The following TJP1 variants were observed in gnomAD, a reference collection of about 807,000 sequenced individuals.
TJP1 encodes tight junction protein ZO-1.
TJP1 carries 43 observed loss-of-function variants against 194.2 expected under a neutral mutation model. The observed-to-expected ratio is 0.22, with a 90% confidence interval of 0.17 to 0.29. The LOEUF (loss-of-function observed/expected upper bound fraction) is 0.29. TJP1 is among the 10% of genes least tolerant of loss of function. The pLI is 1.00. For missense variants in TJP1, 1,971 were observed against 2,185.7 expected, an observed-to-expected ratio of 0.90 and a Z score of 1.96; for synonymous variants, 801 against 779.0, an observed-to-expected ratio of 1.03 and a Z score of -0.47.
intron 2 of TJP1, among the ~76,000 whole-genome samples, chr15:29,843,464 C>T (rs1355053718): frequency 6.6e-6 from 1 of 152,174 alleles, no homozygotes; most frequent in Non-Finnish European, 1.5e-5. Context: ...GCTGGGATTA[C>T]AGGCGTGAGC....
intron 2 of TJP1, among the ~76,000 whole-genome samples, chr15:29,877,593 T>G (rs1041543053): frequency 4.6e-5 from 7 of 151,804 alleles, no homozygotes; most frequent in African/African-American, 1.7e-4. Flanking sequence ...CCTTCCTTCC[T>G]TTCTCCTTCC....
At chr15:29,733,054 T>C (rs752499202) in intron 13 of TJP1, 40 bp downstream of exon 13, 1 of 1,585,456 alleles carries the variant, frequency 6.3e-7, no homozygotes, top group Non-Finnish European at 8.6e-7. Context: ...TATCATCATT[T>C]ACTTGATTCA....
rs186014430 is a variant in TJP1 at position 29,885,381 on chromosome 15, G to A, written c.306+70851C>T. ...AGGGAACACATGGAGATAGTATCTG[G>A]GAGAGGAAAGGGAATCCAGAGCAGA... On this transcript the variant is annotated intron_variant, in intron 2 of 28. Transcript: ENST00000356107. 2.2e-3 allele frequency among the ~76,000 whole-genome samples: 335 copies of A among 152,304 alleles called. 2 individuals carry two copies. The highest frequency in any genetic ancestry group is 7.7e-3 in the African/African-American group (321 of 41,570).
At chr15:29,883,285 T>C (rs1269125072) in intron 2 of TJP1, among the ~76,000 whole-genome samples, 1 of 152,194 alleles carries the variant, frequency 6.6e-6, no homozygotes, top group Non-Finnish European at 1.5e-5. Flanking sequence ...CCTGCAGCCC[T>C]GGGACACTTG....
chr15:29,929,441 A>G (rs565299597), intron 2 of TJP1, among the ~76,000 whole-genome samples: 2 of 152,348 alleles, frequency 1.3e-5, no homozygotes, highest in Non-Finnish European at 2.9e-5. Context: ...TCAGGCCTGT[A>G]GTCCCAGCTC....
intron 10 of TJP1, among the ~76,000 whole-genome samples, chr15:29,740,216 T>C (rs959695911): frequency 1.7e-4 from 26 of 151,452 alleles, no homozygotes; most frequent in Non-Finnish European, 3.2e-4. Context: ...ACCTCGTGAT[T>C]CGCCCGCCTC....
intron 26 of TJP1, among the ~76,000 whole-genome samples, chr15:29,705,014 A>G (rs929413051): frequency 7.2e-5 from 11 of 152,260 alleles, no homozygotes; most frequent in Middle Eastern, 3.2e-3. Context: ...GATTATGAAA[A>G]TAAGTTTCCT....
At chr15:29,968,782 G>T in exon 1 of TJP1, 2 of 1,217,798 alleles carry the variant, frequency 1.6e-6, no homozygotes, top group Non-Finnish European at 2.1e-6. Flanking sequence ...CTCCGCTCGC[G>T]GGCAGGGCCC....
chr15:29,713,838 G>A (rs1319807957), intron 23 of TJP1, among the ~76,000 whole-genome samples: 5 of 151,916 alleles, frequency 3.3e-5, no homozygotes, highest in Non-Finnish European at 7.4e-5. Flanking sequence ...ACACTACAAA[G>A]GAAAAAAAAG....
At chr15:29,814,872 A>T (rs1242742261) in intron 1 of TJP1, among the ~76,000 whole-genome samples, 1 of 152,180 alleles carries the variant, frequency 6.6e-6, no homozygotes, top group Non-Finnish European at 1.5e-5. Flanking sequence ...CTCTTGATCT[A>T]TCCCAAAGTG....
rs148873583 is a variant in TJP1 at position 29,790,728 on chromosome 15, T to A, written c.84+9918A>T. Among the ~76,000 whole-genome samples the A allele has an allele frequency of 7.9e-5, 12 of 151,058 alleles. No individual in the cohort carries two copies. The East Asian group carries it at 2.3e-3, about 29-fold the overall frequency. Reference sequence around the variant, plus strand: ...GTCTCTGGTAACCATCATTCTACTCTCTGTCTCCGTGAGTTCATTTTTCTT... The same window carrying A: ...GTCTCTGGTAACCATCATTCTACTCACTGTCTCCGTGAGTTCATTTTTCTT... On this transcript the variant is annotated intron_variant, in intron 2 of 27. Transcript: ENST00000614355.
intron 24 of TJP1, 148 bp downstream of exon 24, chr15:29,710,683 T>G: frequency 1.0e-6 from 1 of 972,332 alleles, no homozygotes; most frequent in Non-Finnish European, 1.5e-6. Flanking sequence ...GGAGACATAC[T>G]TTTAACAAAA....
At chr15:29,817,567 G>A (rs1049273550) in intron 1 of TJP1, among the ~76,000 whole-genome samples, 8 of 152,092 alleles carry the variant, frequency 5.3e-5, no homozygotes, top group African/African-American at 1.9e-4. Flanking sequence ...CAATAGCAAA[G>A]ACATGGAACC....
intron 2 of TJP1, among the ~76,000 whole-genome samples, chr15:29,860,705 T>C (rs1394049965): frequency 6.6e-6 from 1 of 152,176 alleles, no homozygotes; most frequent in African/African-American, 2.4e-5. Context: ...GCTGTTTCCA[T>C]CTTTTGGTTA....
chr15:29,899,337 C>T (rs1176018460), intron 2 of TJP1, among the ~76,000 whole-genome samples: 3 of 152,184 alleles, frequency 2.0e-5, no homozygotes, highest in Admixed American at 6.5e-5. Flanking sequence ...TATTCCTTTC[C>T]TATTGCAATT....
At chr15:29,783,556 A>G (rs1044580225) in intron 2 of TJP1, among the ~76,000 whole-genome samples, 2 of 152,232 alleles carry the variant, frequency 1.3e-5, no homozygotes, top group East Asian at 3.8e-4. Flanking sequence ...CGCAATAGCT[A>G]AAATGTGGAA....
upstream of TJP1, chr15:29,822,638 G>C (rs1483684847): frequency 2.2e-5 from 6 of 272,398 alleles, no homozygotes; most frequent in Non-Finnish European, 3.4e-5. Flanking sequence ...GGTAACCCAA[G>C]TAACTTGGAA....
intron 2 of TJP1, among the ~76,000 whole-genome samples, chr15:29,924,080 C>T (rs927084504): frequency 1.3e-5 from 2 of 152,118 alleles, no homozygotes; most frequent in Admixed American, 6.5e-5. Flanking sequence ...TTTTTGAAAC[C>T]TTTAATAAGG....
chr15:29,799,794 C>A (rs2048664355), intron 2 of TJP1, among the ~76,000 whole-genome samples: 1 of 152,132 alleles, frequency 6.6e-6, no homozygotes, highest in Admixed American at 6.5e-5. Flanking sequence ...TAATCAGGGG[C>A]AGAGTCCAGC....
Sources: gnomAD v4.1 joint callset for allele counts (sites outside exome capture counted in the v4.1 genomes callset) on GRCh38, gnomAD v4.1.1 for gene constraint, MANE v1.5 for transcripts, NCBI Gene and HGNC (gene_info 2026-07-23, HGNC 2026-07-21) for gene names.